Variants in VWC2L observed in about 807,000 individuals in gnomAD.
VWC2L encodes von Willebrand factor C domain containing 2 like.
Under a neutral mutation model 21.6 loss-of-function variants are expected in VWC2L, and 10 were observed. The observed-to-expected ratio is 0.46, with a 90% CI of 0.29 to 0.78. The LOEUF (loss-of-function observed/expected upper bound fraction) is 0.78, where lower values mean the gene tolerates loss of function less well. VWC2L is among the 30% of genes least tolerant of loss of function. The pLI is 0.10. For synonymous variants in VWC2L, 96 were observed against 94.3 expected (o/e 1.02, Z -0.10); for missense variants, 209 against 277.1 (o/e 0.75, Z 1.74).
intron 1 of VWC2L, among the ~76,000 whole-genome samples, chr2:214,412,515 A>G (rs564435557): frequency 6.6e-6 from 1 of 152,264 alleles, no homozygotes; most frequent in East Asian, 1.9e-4. Flanking sequence ...AAGTAGAATT[A>G]TAGGTTTGCA....
At chr2:214,542,805 C>T (rs1463885190) in intron 3 of VWC2L, among the ~76,000 whole-genome samples, 3 of 152,154 alleles carry the variant, frequency 2.0e-5, no homozygotes, top group African/African-American at 7.2e-5. Flanking sequence ...TTTTCATACA[C>T]TTTCATCAAA....
chr2:214,417,901 G>T (rs1386444243), intron 2 of VWC2L, among the ~76,000 whole-genome samples: 1 of 152,030 alleles, frequency 6.6e-6, no homozygotes, highest in East Asian at 1.9e-4. Flanking sequence ...AGAGAATGAG[G>T]TGCACAAGCA....
At position 214,433,181 on chromosome 2, in the gene VWC2L, TATTA is replaced by T. The variant is rs910749472; in HGVS notation, c.391-3447_391-3444del. Among the ~76,000 whole-genome samples, 324 of 140,376 alleles carry T rather than the reference TATTA, an allele frequency of 2.3e-3. 11 individuals carry two copies. Among genetic ancestry groups the T allele is most frequent in the East Asian group, 0.014 (67 of 4,860 alleles). 92.1% of individuals were successfully genotyped at this position (140,376 alleles called of 152,430 possible). On this transcript the variant is annotated intron_variant, in intron 2 of 3. Transcript: ENST00000312504. ...CCTGATATATATATATATATATATA[TATTA>T]TATATAAATATATGTATAAACAAAT...
chr2:214,546,050 T>C (rs1689701936), intron 3 of VWC2L, among the ~76,000 whole-genome samples: 1 of 152,290 alleles, frequency 6.6e-6, no homozygotes, highest in Non-Finnish European at 1.5e-5. Flanking sequence ...TGATTTGGTA[T>C]CACATGCCAG....
intron 2 of VWC2L, among the ~76,000 whole-genome samples, chr2:214,430,560 A>T (rs1043428412): frequency 6.6e-6 from 1 of 152,106 alleles, no homozygotes; most frequent in Non-Finnish European, 1.5e-5. Context: ...TAGACATCAT[A>T]TTTCTGAATT....
At chr2:214,485,384 G>A (rs1222191221) in intron 3 of VWC2L, among the ~76,000 whole-genome samples, 1 of 152,110 alleles carries the variant, frequency 6.6e-6, no homozygotes, top group Admixed American at 6.6e-5. Context: ...AAAGAGACAA[G>A]CCTGATATCT....
chr2:214,475,870 T>A (rs1027597862), intron 3 of VWC2L, among the ~76,000 whole-genome samples: 8 of 152,168 alleles, frequency 5.3e-5, no homozygotes, highest in African/African-American at 1.9e-4. Context: ...AGGAACTAAA[T>A]GATCCATGCC....
intron 3 of VWC2L, among the ~76,000 whole-genome samples, chr2:214,437,731 G>T (rs1421041570): frequency 6.6e-6 from 1 of 151,496 alleles, no homozygotes; most frequent in Non-Finnish European, 1.5e-5. Flanking sequence ...TTTACAGAAG[G>T]GTAATTAGTA....
intron 3 of VWC2L, among the ~76,000 whole-genome samples, chr2:214,532,696 CA>C (rs374620465): frequency 6.6e-6 from 1 of 152,002 alleles, no homozygotes; most frequent in Admixed American, 6.6e-5. Context: ...TATTTATAAG[CA>C]AAAAACCTGA....
chr2:214,451,660 G>C (rs1003189553), intron 3 of VWC2L, among the ~76,000 whole-genome samples: 2 of 152,262 alleles, frequency 1.3e-5, no homozygotes, highest in East Asian at 3.9e-4. Flanking sequence ...GGCAGCAAAA[G>C]TCACTCAAGA....
chr2:214,517,892 C>T (rs540341206), intron 3 of VWC2L, among the ~76,000 whole-genome samples: 4 of 152,270 alleles, frequency 2.6e-5, no homozygotes, highest in Admixed American at 1.3e-4. Flanking sequence ...TGTGGTCAGG[C>T]GTGGTGGCTC....
chr2:214,542,366 A>G (rs13015262), intron 3 of VWC2L, among the ~76,000 whole-genome samples: 50,220 of 152,070 alleles, frequency 0.33, 9,713 homozygotes, highest in South Asian at 0.48. Flanking sequence ...TGAGATTGCC[A>G]ACTGCCTGTC....
intron 2 of VWC2L, among the ~76,000 whole-genome samples, chr2:214,427,152 C>T (rs1447309926): frequency 6.6e-6 from 1 of 151,836 alleles, no homozygotes; most frequent in Admixed American, 6.6e-5. Context: ...AATGCACACT[C>T]TCTAATACTT....
chr2:214,435,063 T>A (rs796253860), intron 2 of VWC2L, among the ~76,000 whole-genome samples: 10 of 152,306 alleles, frequency 6.6e-5, no homozygotes, highest in African/African-American at 2.4e-4. Flanking sequence ...AAGGGGAAAG[T>A]TCGACAAGTC....
intron 3 of VWC2L, among the ~76,000 whole-genome samples, chr2:214,543,345 C>T (rs908828151): frequency 2.0e-5 from 3 of 152,036 alleles, no homozygotes; most frequent in East Asian, 1.9e-4. Flanking sequence ...AAACTTATTA[C>T]GTATAGTAAC....
At chr2:214,463,281 GTTT>G (rs534989687) in intron 3 of VWC2L, among the ~76,000 whole-genome samples, 5 of 152,152 alleles carry the variant, frequency 3.3e-5, no homozygotes, top group Non-Finnish European at 5.9e-5. Context: ...GTACTTTGAA[GTTT>G]TTTTATGATG....
chr2:214,490,834 A>G (rs1414234502), intron 3 of VWC2L, among the ~76,000 whole-genome samples: 2 of 152,204 alleles, frequency 1.3e-5, no homozygotes, highest in Non-Finnish European at 2.9e-5. Flanking sequence ...AAGGTAAGGA[A>G]TTGGTGTCAA....
intron 3 of VWC2L, among the ~76,000 whole-genome samples, chr2:214,522,349 T>TG (rs1448943199): frequency 1.7e-5 from 2 of 115,516 alleles, no homozygotes; most frequent in South Asian, 5.3e-4. Context: ...CACTCCAGGC[T>TG]GGGGGACAGA....
intron 2 of VWC2L, among the ~76,000 whole-genome samples, chr2:214,428,133 G>A (rs1255265212): frequency 2.0e-5 from 3 of 152,162 alleles, no homozygotes; most frequent in Non-Finnish European, 2.9e-5. Context: ...AAACTCTGAC[G>A]AAGTTGAAAG....
Sources: allele counts gnomAD v4.1 joint callset (sites outside exome capture counted in the v4.1 genomes callset), GRCh38; gene constraint gnomAD v4.1.1; transcripts MANE v1.5; gene names NCBI Gene and HGNC (gene_info 2026-07-23, HGNC 2026-07-21).